The following STAP2 variants were observed in gnomAD, a reference collection of about 807,000 sequenced individuals.
STAP2 encodes signal-transducing adaptor protein 2.
A neutral mutation model predicts 52.7 loss-of-function variants in STAP2; 58 were observed. The observed-to-expected ratio is 1.10, with a 90% CI of 0.89 to 1.37. The LOEUF (loss-of-function observed/expected upper bound fraction) is 1.37. STAP2 is among the 40% of genes most tolerant of loss of function. The pLI is 0.00. For synonymous variants in STAP2, 231 were observed against 210.5 expected (o/e 1.10, Z -0.84); for missense variants, 522 against 519.4 (o/e 1.00, Z -0.05).
intron 1 of STAP2, among the ~76,000 whole-genome samples, chr19:4,335,138 T>C (rs1971961366): frequency 2.1e-5 from 3 of 144,506 alleles, no homozygotes; most frequent in Admixed American, 2.1e-4. Context: ...CACTCATCTA[T>C]CAATGCATCC....
intron 4 of STAP2, among the ~76,000 whole-genome samples, chr19:4,330,595 AG>A (rs1293634094): frequency 6.6e-6 from 1 of 151,548 alleles, no homozygotes; most frequent in African/African-American, 2.4e-5. Flanking sequence ...TAAAGTCTGC[AG>A]GGGCCAGGCA....
rs750542464 is a variant in STAP2 at position 4,325,201 on chromosome 19, G to C, written c.1072+15C>G. 2.6e-6 allele frequency: 4 copies of C among 1,564,562 alleles called. No individual in the cohort carries two copies. Among genetic ancestry groups the C allele is most frequent in the Admixed American group, 3.8e-5 (2 of 52,656 alleles). On this transcript the variant is annotated intron_variant, in intron 11 of 12. Coordinates refer to ENST00000594605, the MANE Select transcript of STAP2 (RefSeq NM_001013841.2). ...CTGCCATCAGGTGAGGGTGGGATAT[G>C]GGGGGGACCCCAACCTGGCTTGGGT...
intron 1 of STAP2, among the ~76,000 whole-genome samples, chr19:4,337,692 CA>C (rs1972001935): frequency 6.6e-6 from 1 of 151,672 alleles, no homozygotes; most frequent in Non-Finnish European, 1.5e-5. Flanking sequence ...ACTAAAAATA[CA>C]AAAATTAGGT....
chr19:4,334,387 C>T (rs981355765), intron 1 of STAP2, among the ~76,000 whole-genome samples: 2 of 152,102 alleles, frequency 1.3e-5, no homozygotes, highest in Admixed American at 6.6e-5. Flanking sequence ...CATCTTTCAT[C>T]ATCCAGCTAC....
At chr19:4,333,489 T>C (rs1971926002) in intron 3 of STAP2, among the ~76,000 whole-genome samples, 2 of 152,090 alleles carry the variant, frequency 1.3e-5, no homozygotes, top group Admixed American at 1.3e-4. Context: ...GGGCGAGACT[T>C]GGTCTCAAAA....
At chr19:4,327,551 C>T (rs1242572400) in intron 6 of STAP2, among the ~76,000 whole-genome samples, 166 bp from the exon 7 acceptor site, 1 of 151,942 alleles carries the variant, frequency 6.6e-6, no homozygotes, top group Non-Finnish European at 1.5e-5. Flanking sequence ...CATAAAGGAC[C>T]TAAGCCCCGT....
chr19:4,335,340 C>T (rs1453494391), intron 1 of STAP2, among the ~76,000 whole-genome samples: 1 of 151,798 alleles, frequency 6.6e-6, no homozygotes, highest in Non-Finnish European at 1.5e-5. Context: ...GTGCATCCAC[C>T]TATTCATCCA....
Position 4,327,307 on chromosome 19 carries a change from A to G in STAP2, c.660+9T>C, listed in dbSNP as rs751931964. The G allele has an allele frequency of 6.2e-6, 10 of 1,614,132 alleles. No homozygotes were observed. The highest frequency in any genetic ancestry group is 3.4e-6 in the Non-Finnish European group (4 of 1,179,990). On this transcript the variant is annotated intron_variant, in intron 7 of 12. Coordinates refer to ENST00000594605, the MANE Select transcript of STAP2 (RefSeq NM_001013841.2). ...AAGTCACTTCTAGGGACTCTGGCCCAACGCTCACCGGCTGTTCCACATCGA... is the reference window on the plus strand; with the variant it reads ...AAGTCACTTCTAGGGACTCTGGCCCGACGCTCACCGGCTGTTCCACATCGA...
chr19:4,324,755 C>T, intron 11 of STAP2: 1 of 516,136 alleles, frequency 1.9e-6, no homozygotes, highest in South Asian at 2.1e-5. Flanking sequence ...TCACTTGAAC[C>T]CGGCAGACAG....
In STAP2 at chr19:4,333,735, G is replaced by C; in HGVS notation, c.256C>G (p.His86Asp). The change falls in exon 3 of 13, where the codon CAC becomes GAC. Residue 86 changes from histidine to aspartate, a missense_variant. Transcript: ENST00000594605. ...TGATCCCGGAGAATCAGGCTGAAGT[G>C]GGTGCCAGGGTCACGTGAGCTTCCC... Reference protein sequence around the residue: ...PWGSSRDPGTHFSLILRDQEI... With the variant: ...PWGSSRDPGTDFSLILRDQEI... 6.2e-7 allele frequency: 1 copy of C among 1,613,210 alleles called. No homozygotes were observed. Among genetic ancestry groups the C allele is most frequent in the South Asian group, 1.1e-5 (1 of 91,026 alleles).
chr19:4,330,097 C>G (rs1484113065), intron 4 of STAP2, 36 bp from the exon 5 acceptor site: 2 of 1,566,052 alleles, frequency 1.3e-6, no homozygotes, highest in Admixed American at 1.7e-5. Flanking sequence ...CTGCACCTGG[C>G]CAGCCGGGAA....
chr19:4,329,814 T>TGC, intron 5 of STAP2, 147 bp downstream of exon 5: 1 of 47,766 alleles, frequency 2.1e-5, no homozygotes, highest in South Asian at 4.1e-4. Context: ...TAACTCCCCC[T>TGC]CCCCCTCCCC....
chr19:4,328,693 G>T lies in STAP2; in HGVS notation c.572C>A (p.Thr191Lys). 1.3e-6 allele frequency: 2 copies of T among 1,577,146 alleles called. No individual in the cohort carries two copies. The highest frequency in any genetic ancestry group is 1.7e-6 in the Non-Finnish European group (2 of 1,160,220). Residue 191 changes from threonine to lysine, a missense_variant, in exon 6 of 13, where the codon ACG becomes AAG. Physicochemically the swap from Thr to Lys is moderately conservative, Grantham distance 78. Transcript: ENST00000594605. The stretch of plus-strand genomic sequence containing the variant: ...TGCGCACCCGTTGTGCATCTGCCGC[G>T]TGGTGACCGACACGCCGTCGGCGCC... ...GDGADGVSVT[T>K]RQMHNGTHVV...
At chr19:4,324,832 AAAC>A (rs890208589) in intron 11 of STAP2, 11 of 406,858 alleles carry the variant, frequency 2.7e-5, no homozygotes, top group African/African-American at 6.3e-5. Context: ...TCAAAACAAA[AAAC>A]AACAATAAAG....
intron 1 of STAP2, among the ~76,000 whole-genome samples, chr19:4,335,425 TCCACTCCCCCATCCATCCATCCAC>T (rs1175158388): frequency 7.1e-6 from 1 of 141,056 alleles, no homozygotes; most frequent in Admixed American, 7.0e-5. Flanking sequence ...CATCCATCCA[TCCACTCCCCCATCCATCCATCCAC>T]CCACTTGTAT....
At chr19:4,333,232 C>T (rs1031108111) in intron 3 of STAP2, among the ~76,000 whole-genome samples, 7 of 147,626 alleles carry the variant, frequency 4.7e-5, no homozygotes, top group Admixed American at 4.1e-4. Context: ...CGGTGGCTCA[C>T]GCCTATAATT....
Position 4,332,092 on chromosome 19 carries a change from G to A in STAP2, c.298-14C>T, listed in dbSNP as rs1183183058. The A allele has an allele frequency of 6.3e-7, 1 of 1,595,608 alleles. No individual in the cohort carries two copies. Among genetic ancestry groups the A allele is most frequent in the South Asian group, 1.1e-5 (1 of 89,078 alleles). The stretch of plus-strand genomic sequence containing the variant: ...CAAGGTCTCTACCTGGGGAACAAAA[G>A]AAAGGAAAGAATCCAAGTCAGTGAG... On this transcript the variant is annotated splice_polypyrimidine_tract_variant and intron_variant, in intron 3 of 12. Transcript: ENST00000594605.
intron 5 of STAP2, 116 bp from the exon 6 acceptor site, chr19:4,328,925 C>T: frequency 7.1e-7 from 1 of 1,415,516 alleles, no homozygotes; most frequent in East Asian, 2.5e-5. Flanking sequence ...CCCAGGAGAC[C>T]CTGCCCTGCT....
chr19:4,328,628 C>T (rs770541771), intron 6 of STAP2, 47 bp downstream of exon 6: 2 of 1,534,516 alleles, frequency 1.3e-6, no homozygotes, highest in Non-Finnish European at 1.8e-6. Flanking sequence ...CGCCCACCCT[C>T]TTCCCACCCT....
Sources: allele counts gnomAD v4.1 joint callset (sites outside exome capture counted in the v4.1 genomes callset), GRCh38; gene constraint gnomAD v4.1.1; transcripts MANE v1.5; gene names NCBI Gene and HGNC (gene_info 2026-07-23, HGNC 2026-07-21).